The following ARSG variants were observed in gnomAD, a reference collection of about 807,000 sequenced individuals.
The protein encoded by ARSG is arylsulfatase G.
Under a neutral mutation model 50.5 loss-of-function variants are expected in ARSG, and 37 were observed. The ratio of observed to expected loss-of-function variants is 0.73; its 90% CI spans 0.56 to 0.96. The LOEUF (loss-of-function observed/expected upper bound fraction) is 0.96, where lower values mean the gene tolerates loss of function less well. ARSG is among the 50% of genes least tolerant of loss of function. The pLI is 0.00. For missense variants in ARSG, 629 were observed against 675.3 expected, an observed-to-expected ratio of 0.93 and a Z score of 0.76; for synonymous variants, 225 against 254.6, an observed-to-expected ratio of 0.88 and a Z score of 1.11.
intron 6 of ARSG, 47 bp downstream of exon 6, chr17:68,356,851 A>C: frequency 6.2e-7 from 1 of 1,611,514 alleles, no homozygotes; most frequent in Non-Finnish European, 8.5e-7. Context: ...GCCTCCACCT[A>C]CCCGTGCACA....
At chr17:68,349,451 G>A (rs530490989) in intron 4 of ARSG, among the ~76,000 whole-genome samples, 3 of 152,246 alleles carry the variant, frequency 2.0e-5, no homozygotes, top group African/African-American at 7.2e-5. Flanking sequence ...GGCTCTTTCC[G>A]GCAGAAGTTT....
At chr17:68,430,797 C>T in the ARSG span, among the ~76,000 whole-genome samples, 2 of 152,142 alleles carry the variant, frequency 1.3e-5, no homozygotes, top group Non-Finnish European at 2.9e-5. Flanking sequence ...CAGCTCTGCC[C>T]CACACAGAGG....
Position 68,270,977 on chromosome 17 carries a change from T to C in ARSG, c.-552+11551T>C, listed in dbSNP as rs2075320495. 8 of 1,614,088 alleles carry C rather than the reference T, an allele frequency of 5.0e-6. 1 individual carries two copies. Among genetic ancestry groups the C allele is most frequent in the Non-Finnish European group, 6.8e-6 (8 of 1,180,022 alleles). The stretch of plus-strand genomic sequence containing the variant: ...TGAGTCCCTCCTATTGTTCCAACCA[T>C]AAACCCAAAAAATATGCTGCATGAC... On this transcript the variant is annotated intron_variant, in intron 1 of 11. Coordinates refer to the ARSG transcript ENST00000448504.
chr17:68,383,324 C>T (rs538300308), intron 8 of ARSG, among the ~76,000 whole-genome samples: 1 of 152,326 alleles, frequency 6.6e-6, no homozygotes, highest in Non-Finnish European at 1.5e-5. Context: ...CTTCTGGAAA[C>T]ATCCTGGAGG....
At chr17:68,324,599 G>C (rs369618595) in intron 2 of ARSG, among the ~76,000 whole-genome samples, 1 of 152,144 alleles carries the variant, frequency 6.6e-6, no homozygotes, top group Non-Finnish European at 1.5e-5. Context: ...ATATGGCACC[G>C]TGATGAGACA....
At chr17:68,299,849 TA>T (rs1343318176) in intron 1 of ARSG, among the ~76,000 whole-genome samples, 1 of 152,182 alleles carries the variant, frequency 6.6e-6, no homozygotes, top group African/African-American at 2.4e-5. Context: ...AGGAGGGTGT[TA>T]TGGAATTGTA....
intron 8 of ARSG, among the ~76,000 whole-genome samples, chr17:68,372,195 A>G (rs554506940): frequency 1.3e-3 from 199 of 152,266 alleles, no homozygotes; most frequent in African/African-American, 2.0e-3. Context: ...AATACACACA[A>G]TCGCACCATT....
At chr17:68,426,251 G>GGGGGGGGGGT, downstream of ARSG, 7 of 825,460 alleles carry the variant, frequency 8.5e-6, 1 homozygote, top group Admixed American at 7.0e-5. Flanking sequence ...GTGGGGAGCG[G>GGGGGGGGGGT]GGGCTCAAAT....
intron 11 of ARSG, among the ~76,000 whole-genome samples, chr17:68,414,965 A>G (rs1337316638): frequency 6.6e-6 from 1 of 152,128 alleles, no homozygotes; most frequent in African/African-American, 2.4e-5. Flanking sequence ...AATTTTATTC[A>G]TATTTTCAAA....
intron 1 of ARSG, chr17:68,278,061 T>A (rs1251961890): frequency 6.5e-7 from 1 of 1,541,070 alleles, no homozygotes; most frequent in East Asian, 2.2e-5. Context: ...TATACTTACG[T>A]CATGGTTAGG....
the ARSG span, among the ~76,000 whole-genome samples, chr17:68,444,175 A>G: frequency 6.6e-6 from 1 of 152,234 alleles, no homozygotes; most frequent in African/African-American, 2.4e-5. Context: ...AATTAGGGGT[A>G]AACACTTTTC....
intron 1 of ARSG, among the ~76,000 whole-genome samples, chr17:68,279,592 A>C (rs2075629270): frequency 6.6e-6 from 1 of 152,188 alleles, no homozygotes; most frequent in African/African-American, 2.4e-5. Context: ...TCTGGACACC[A>C]GTTAACTGAG....
intron 9 of ARSG, among the ~76,000 whole-genome samples, chr17:68,386,493 T>A (rs2080730516): frequency 6.6e-6 from 1 of 151,890 alleles, no homozygotes; most frequent in Non-Finnish European, 1.5e-5. Flanking sequence ...AAGTATGGGG[T>A]GGGTGGGCAT....
chr17:68,286,923 A>G (rs2145180936), upstream of ARSG, among the ~76,000 whole-genome samples: 1 of 152,348 alleles, frequency 6.6e-6, no homozygotes, highest in South Asian at 2.1e-4. Flanking sequence ...ATGGGTGTAA[A>G]GTAGCTAGCT....
At chr17:68,311,087 C>T (rs1307323145) in intron 2 of ARSG, among the ~76,000 whole-genome samples, 1 of 152,120 alleles carries the variant, frequency 6.6e-6, no homozygotes, top group Non-Finnish European at 1.5e-5. Flanking sequence ...ACCTGGGAGA[C>T]AGAGGTTGCA....
At chr17:68,276,262 G>A (rs1471311446) in intron 1 of ARSG, among the ~76,000 whole-genome samples, 1 of 151,384 alleles carries the variant, frequency 6.6e-6, no homozygotes, top group African/African-American at 2.4e-5. Context: ...CCCGGCTAAC[G>A]AGAAATTTCT....
At chr17:68,417,028 T>G (rs2082414043) in intron 11 of ARSG, among the ~76,000 whole-genome samples, 1 of 152,200 alleles carries the variant, frequency 6.6e-6, no homozygotes, top group African/African-American at 2.4e-5. Flanking sequence ...TGTGATTTTT[T>G]GGGGAGTGTC....
intron 2 of ARSG, among the ~76,000 whole-genome samples, chr17:68,335,369 C>T (rs575937766): frequency 2.6e-5 from 4 of 151,968 alleles, no homozygotes; most frequent in South Asian, 2.1e-4. Flanking sequence ...CTGGCTAACA[C>T]GGAGAAACCT....
chr17:68,320,879 G>A (rs1274325139), intron 2 of ARSG, among the ~76,000 whole-genome samples: 3 of 152,132 alleles, frequency 2.0e-5, no homozygotes, highest in South Asian at 2.1e-4. Flanking sequence ...TGTGTATGTC[G>A]CATTGTCGTA....
Sources: allele counts gnomAD v4.1 joint callset (sites outside exome capture counted in the v4.1 genomes callset), GRCh38; gene constraint gnomAD v4.1.1; transcripts MANE v1.5; gene names NCBI Gene and HGNC (gene_info 2026-07-23, HGNC 2026-07-21).